Variants in ARHGEF17 observed in about 807,000 individuals in gnomAD.
The protein encoded by ARHGEF17 is Rho guanine nucleotide exchange factor 17, also known as 164 kDa Rho-specific guanine-nucleotide exchange factor.
Under a neutral mutation model 174.0 loss-of-function variants are expected in ARHGEF17, and 80 were observed. The observed-to-expected ratio is 0.46, with a 90% CI of 0.38 to 0.55. The LOEUF is 0.55. Among genes scored for constraint, ARHGEF17 ranks in the 20% least tolerant of loss-of-function variants. The pLI, the probability that ARHGEF17 is intolerant of heterozygous loss-of-function variation, is 0.00. For missense variants in ARHGEF17, 2,886 were observed against 2,839.7 expected (o/e 1.02, Z -0.37); for synonymous variants, 1,311 against 1,189.1 (o/e 1.10, Z -2.11).
intron 1 of ARHGEF17, among the ~76,000 whole-genome samples, chr11:73,326,880 C>G (rs778003871): frequency 4.7e-4 from 71 of 152,292 alleles, no homozygotes; most frequent in Non-Finnish European, 8.8e-4. Context: ...CCATGTATTT[C>G]CATGGAGCTT....
intron 1 of ARHGEF17, among the ~76,000 whole-genome samples, chr11:73,317,492 T>C (rs955486498): frequency 2.6e-5 from 4 of 152,142 alleles, no homozygotes; most frequent in Non-Finnish European, 5.9e-5. Context: ...GAGTTCCCAC[T>C]AAGCAGAGTT....
chr11:73,350,103 C>T (rs192783598), intron 2 of ARHGEF17, among the ~76,000 whole-genome samples: 2 of 152,336 alleles, frequency 1.3e-5, no homozygotes, highest in Admixed American at 6.5e-5. Context: ...TATAATTTAG[C>T]ATACTGCCTG....
chr11:73,311,868 G>C, intron 1 of ARHGEF17, 38 bp downstream of exon 1: 1 of 1,558,180 alleles, frequency 6.4e-7, no homozygotes, highest in South Asian at 1.2e-5. Context: ...TGGGGCCAAA[G>C]AAGGGCCATG....
intron 13 of ARHGEF17, 24 bp from the exon 14 acceptor site, chr11:73,362,409 C>G (rs1865758310): frequency 2.6e-6 from 4 of 1,521,748 alleles, no homozygotes; most frequent in Non-Finnish European, 3.5e-6. Context: ...TAGCTGCTGT[C>G]ATCCTCACTC....
chr11:73,343,100 C>A, intron 1 of ARHGEF17: 2 of 331,200 alleles, frequency 6.0e-6, no homozygotes, highest in South Asian at 1.4e-4. Context: ...CCCCCCGCCC[C>A]GCCGCCACCC....
rs1337634807 is a variant in ARHGEF17 at position 73,344,605 on chromosome 11, C to T, written c.3193-2278C>T. 3.9e-5 allele frequency among the ~76,000 whole-genome samples: 6 copies of T among 152,356 alleles called. No homozygotes were observed. The East Asian group carries it at 7.7e-4, about 20-fold the overall frequency. On this transcript the variant is annotated intron_variant, in intron 1 of 20. Transcript: ENST00000263674. ...GGCCCTGCTGTCAGGGAGCTCCCCA[C>T]GCCGTCTCACTGAGGGGGAGAAAGG...
intron 1 of ARHGEF17, among the ~76,000 whole-genome samples, chr11:73,316,439 G>A (rs1386450352): frequency 1.3e-5 from 2 of 152,104 alleles, no homozygotes; most frequent in Admixed American, 1.3e-4. Context: ...GGTAGGGTCC[G>A]AGAAAAAAAT....
rs1343628285 is a variant in ARHGEF17 at position 73,361,147 on chromosome 11, C to T, written c.4480C>T (p.Arg1494Cys). ...FLKAIPIMKT[R>C]SGMQFSCAAP... ...GAAGGCCATCCCCATCATGAAAACCCGCAGTGGCATGCAGGTATGTCTGCA... is the reference window on the plus strand; with the variant it reads ...GAAGGCCATCCCCATCATGAAAACCTGCAGTGGCATGCAGGTATGTCTGCA... Residue 1494 changes from arginine to cysteine, a missense_variant, in exon 12 of 21, where the codon CGC becomes TGC. This residue lies in a region of ARHGEF17 where 476 missense variants were observed against 473.1 expected (regional missense o/e 1.01). Transcript: ENST00000263674. The T allele has an allele frequency of 6.2e-7, 1 of 1,614,088 alleles. No homozygotes were observed. Among genetic ancestry groups the T allele is most frequent in the Admixed American group, 1.7e-5 (1 of 60,024 alleles).
At chr11:73,320,238 C>T (rs1335437867) in intron 1 of ARHGEF17, among the ~76,000 whole-genome samples, 8 of 152,066 alleles carry the variant, frequency 5.3e-5, no homozygotes, top group East Asian at 1.9e-4. Flanking sequence ...GCTGTCTCCC[C>T]GCACGCTGGC....
intron 1 of ARHGEF17, among the ~76,000 whole-genome samples, chr11:73,323,042 T>A (rs1012317571): frequency 6.6e-6 from 1 of 152,112 alleles, no homozygotes; most frequent in Non-Finnish European, 1.5e-5. Flanking sequence ...TCCTCTGCAT[T>A]CTGAAAGAGT....
chr11:73,358,453 CT>C (rs1172357794), intron 9 of ARHGEF17, among the ~76,000 whole-genome samples: 988 of 93,290 alleles, frequency 0.011, 3 homozygotes, highest in Middle Eastern at 0.023. Context: ...AGGTCCGCCT[CT>C]TTTTTTTTTT....
chr11:73,309,810 G>A lies in ARHGEF17; in HGVS notation c.1172G>A (p.Ser391Asn). The A allele has an allele frequency of 1.9e-6, 3 of 1,613,150 alleles. No individual in the cohort carries two copies. Among genetic ancestry groups the A allele is most frequent in the Non-Finnish European group, 2.5e-6 (3 of 1,180,002 alleles). ...AGCCCCGCAGGCTCCCGCGGTAGCA[G>A]CCGTTATTCCAGCACGGAGACCCTC... is the stretch of plus-strand genomic sequence containing the variant. ...LASPAGSRGS[S>N]RYSSTETLKD... The change falls in exon 1 of 21, where the codon AGC (serine) becomes AAC (asparagine). Residue 391 changes from serine (S) to asparagine (N), a missense_variant. Ser to Asn is a conservative substitution (Grantham distance 46). Coordinates refer to ENST00000263674, the MANE Select transcript of ARHGEF17 (RefSeq NM_014786.4).
intron 1 of ARHGEF17, among the ~76,000 whole-genome samples, chr11:73,330,169 T>G (rs1403285690): frequency 6.6e-6 from 1 of 152,246 alleles, no homozygotes; most frequent in Admixed American, 6.5e-5. Flanking sequence ...GGGAAGTTAG[T>G]TCTTTGTCTG....
At chr11:73,315,738 T>G (rs1341023037) in intron 1 of ARHGEF17, among the ~76,000 whole-genome samples, 2 of 152,150 alleles carry the variant, frequency 1.3e-5, no homozygotes, top group African/African-American at 4.8e-5. Flanking sequence ...CCTAAGGGCC[T>G]GGGCTCTTGG....
At chr11:73,340,716 T>A (rs190325098) in intron 1 of ARHGEF17, among the ~76,000 whole-genome samples, 1 of 152,314 alleles carries the variant, frequency 6.6e-6, no homozygotes, top group African/African-American at 2.4e-5. Flanking sequence ...GTATCCTCAG[T>A]GACCAAGCAA....
At position 73,360,515 on chromosome 11, in the gene ARHGEF17, G is replaced by A. The variant is rs769958134; in HGVS notation, c.4402G>A (p.Glu1468Lys). 4 of 1,613,772 alleles carry A rather than the reference G, an allele frequency of 2.5e-6. No individual in the cohort carries two copies. The highest frequency in any genetic ancestry group is 3.3e-5 in the Admixed American group (2 of 60,018). The change falls in exon 11 of 21, where the codon GAG (glutamate) becomes AAG (lysine). Residue 1468 changes from glutamate (E) to lysine (K), a missense_variant. Physicochemically the swap from Glu to Lys is moderately conservative, Grantham distance 56. This residue lies in a region of ARHGEF17 where 476 missense variants were observed against 473.1 expected (regional missense o/e 1.01). Transcript: ENST00000263674. The part of the protein sequence containing the change: ...ARLGFEQAFD[E>K]AKRKLASSKS... Reference sequence around the variant, plus strand: ...CCTTGGTTTTGAACAGGCCTTCGATGAGGCCAAGAGGAAGCTGGGTAAGCC... The same window carrying A: ...CCTTGGTTTTGAACAGGCCTTCGATAAGGCCAAGAGGAAGCTGGGTAAGCC...
At chr11:73,342,499 G>A (rs1397328419) in intron 1 of ARHGEF17, among the ~76,000 whole-genome samples, 1 of 152,156 alleles carries the variant, frequency 6.6e-6, no homozygotes, top group Non-Finnish European at 1.5e-5. Context: ...GATCATGTTC[G>A]TTTCTGTCAA....
chr11:73,356,333 C>T lies in ARHGEF17; in HGVS notation c.3822C>T (p.His1274=). The change falls in exon 6 of 21, where the codon CAC becomes CAT. Residue 1274 remains histidine, a synonymous_variant. Coordinates refer to ENST00000263674, the MANE Select transcript of ARHGEF17 (RefSeq NM_014786.4). ...HARVLQEIEA[H]IEGMEDLQAP... is the part of the protein sequence containing the mutation. Reference sequence around the variant, plus strand: ...GTGTGCTGCAGGAGATAGAGGCTCACATCGAGGGCATGGAGGATGTGCGTG... The same window carrying T: ...GTGTGCTGCAGGAGATAGAGGCTCATATCGAGGGCATGGAGGATGTGCGTG... The T allele has an allele frequency of 6.2e-7, 1 of 1,611,476 alleles. No homozygotes were observed. Among genetic ancestry groups the T allele is most frequent in the East Asian group, 2.2e-5 (1 of 44,872 alleles).
In ARHGEF17 at chr11:73,311,620, C is replaced by G; in HGVS notation, c.2982C>G (p.Ala994=). 2 of 1,613,330 alleles carry G rather than the reference C, an allele frequency of 1.2e-6. No homozygotes were observed. The highest frequency in any genetic ancestry group is 1.7e-6 in the Non-Finnish European group (2 of 1,179,888). ...AACCCATAGGCTTCCCTACCCGAGC[C>G]CATCCCACGTTGCAGGCACCATCGC... The part of the protein sequence containing the change: ...VPEPIGFPTR[A]HPTLQAPSLE... Residue 994 remains alanine (A), a synonymous_variant, in exon 1 of 21, where the codon GCC becomes GCG. Coordinates refer to ENST00000263674, the MANE Select transcript of ARHGEF17 (RefSeq NM_014786.4).
Sources: gnomAD v4.1 joint callset for allele counts (sites outside exome capture counted in the v4.1 genomes callset) on GRCh38, gnomAD v4.1.1 for gene constraint, gnomAD v4.1.1 regional missense constraint, MANE v1.5 for transcripts, NCBI Gene and HGNC (gene_info 2026-07-23, HGNC 2026-07-21) for gene names.